Variants in ARIH2 observed in about 807,000 individuals in gnomAD.
ARIH2 encodes ariadne RBR E3 ubiquitin protein ligase 2.
ARIH2 carries 12 observed loss-of-function variants against 79.8 expected under a neutral mutation model. That is an observed-to-expected ratio of 0.15 (90% confidence interval 0.10 to 0.24). The LOEUF (loss-of-function observed/expected upper bound fraction) is 0.24. Ranked by LOEUF, ARIH2 falls within the 10% of genes least tolerant of loss-of-function variation. The pLI, the probability that ARIH2 is intolerant of heterozygous loss-of-function variation, is 1.00. For synonymous variants in ARIH2, 224 were observed against 213.9 expected (o/e 1.05, Z -0.41); for missense variants, 301 against 618.3 (o/e 0.49, Z 5.44).
chr3:48,973,292 A>C (rs1009870895), intron 8 of ARIH2, among the ~76,000 whole-genome samples: 18 of 151,930 alleles, frequency 1.2e-4, no homozygotes, highest in Non-Finnish European at 2.4e-4. Flanking sequence ...AAATACAAAA[A>C]TTAGACTGGG....
At chr3:48,931,797 A>G (rs1160710956) in intron 3 of ARIH2, among the ~76,000 whole-genome samples, 1 of 152,114 alleles carries the variant, frequency 6.6e-6, no homozygotes. Context: ...CAGGTGGATC[A>G]CGAGGTCAGG....
intron 3 of ARIH2, among the ~76,000 whole-genome samples, chr3:48,951,326 C>T (rs1162406282): frequency 1.3e-5 from 2 of 151,810 alleles, no homozygotes; most frequent in African/African-American, 2.4e-5. Flanking sequence ...TTTTTTCCCC[C>T]TGTGGAGTTT....
chr3:48,975,179 T>C, intron 11 of ARIH2, 200 bp downstream of exon 11: 1 of 765,858 alleles, frequency 1.3e-6, no homozygotes, highest in Non-Finnish European at 2.1e-6. Context: ...CCCACTGCTA[T>C]CTTGCTAACA....
chr3:48,940,265 G>A (rs1179048821), intron 3 of ARIH2, among the ~76,000 whole-genome samples: 2 of 152,228 alleles, frequency 1.3e-5, no homozygotes, highest in Non-Finnish European at 1.5e-5. Context: ...AGCTACTCGG[G>A]AGGCTGAGGT....
At chr3:48,947,005 G>T (rs2089250557) in intron 3 of ARIH2, among the ~76,000 whole-genome samples, 1 of 152,230 alleles carries the variant, frequency 6.6e-6, no homozygotes, top group African/African-American at 2.4e-5. Flanking sequence ...AGGCACAAAT[G>T]TGATTGCCCA....
intron 12 of ARIH2, 142 bp downstream of exon 12, chr3:48,979,775 C>G (rs11716614): frequency 0.073 from 62,998 of 862,668 alleles, 2,846 homozygotes; most frequent in Non-Finnish European, 0.089. Context: ...ATCCCTGGTG[C>G]TGCCTCTATA....
In ARIH2 at chr3:48,983,269, A is replaced by C. The variant is rs2092814903; in HGVS notation, c.1481A>C (p.Ter494SerextTer30). 1 of 1,613,936 alleles carries C rather than the reference A, an allele frequency of 6.2e-7. No individual in the cohort carries two copies. The highest frequency in any genetic ancestry group is 1.3e-5 in the African/African-American group (1 of 74,904). The change falls in exon 16 of 16, where the codon TAA becomes TCA. Residue 494 changes from the stop codon to serine (S), a stop_lost. Transcript: ENST00000356401. ...RTLLKDFHDT[*>S] Reference sequence around the variant, plus strand: ...CTGCTGAAAGATTTCCATGACACCTAAGTTGGGATGTGGATGTGCCGGGGT... The same window carrying C: ...CTGCTGAAAGATTTCCATGACACCTCAGTTGGGATGTGGATGTGCCGGGGT...
chr3:48,950,040 G>A (rs2089750984), intron 3 of ARIH2, among the ~76,000 whole-genome samples: 1 of 151,716 alleles, frequency 6.6e-6, no homozygotes, highest in Non-Finnish European at 1.5e-5. Flanking sequence ...CTTTCTTTTA[G>A]CAATTTTATA....
chr3:48,967,059 T>G, intron 5 of ARIH2, 66 bp from the exon 6 acceptor site: 1,284 of 1,532,198 alleles, frequency 8.4e-4, no homozygotes, highest in Non-Finnish European at 1.0e-3. Context: ...CCCGGCTGCA[T>G]GAGGTACCCT....
intron 3 of ARIH2, among the ~76,000 whole-genome samples, chr3:48,940,808 A>AAAAAAATATAT (rs759369585): frequency 1.8e-4 from 18 of 98,046 alleles, no homozygotes; most frequent in Admixed American, 4.9e-4. Flanking sequence ...AAAAAAAAAA[A>AAAAAAATATAT]ATATATATAT....
intron 2 of ARIH2, 87 bp from the exon 3 acceptor site, chr3:48,927,375 G>C: frequency 1.5e-6 from 1 of 676,032 alleles, no homozygotes; most frequent in Non-Finnish European, 2.4e-6. Context: ...ATTAGGGCCA[G>C]GACTGTCCCA....
chr3:48,931,657 T>C (rs375845622), intron 3 of ARIH2, among the ~76,000 whole-genome samples: 1 of 152,152 alleles, frequency 6.6e-6, no homozygotes, highest in African/African-American at 2.4e-5. Context: ...CTCAAACTCC[T>C]GGCCTCAAGT....
At chr3:48,969,839 T>C (rs1465802245) in intron 7 of ARIH2, among the ~76,000 whole-genome samples, 1 of 152,026 alleles carries the variant, frequency 6.6e-6, no homozygotes, top group African/African-American at 2.4e-5. Flanking sequence ...CAGAAGGCCT[T>C]GTTCTTTATG....
chr3:48,962,031 A>T (rs977103337), intron 4 of ARIH2, among the ~76,000 whole-genome samples: 5 of 152,074 alleles, frequency 3.3e-5, no homozygotes, highest in African/African-American at 9.7e-5. Flanking sequence ...CTTCTTTTGG[A>T]TACGTCAACT....
intron 3 of ARIH2, among the ~76,000 whole-genome samples, chr3:48,952,986 G>A (rs1187245517): frequency 7.9e-5 from 12 of 151,946 alleles, no homozygotes; most frequent in Admixed American, 7.9e-4. Flanking sequence ...CTAGAGTGCA[G>A]TGGCGCGATC....
intron 3 of ARIH2, among the ~76,000 whole-genome samples, chr3:48,942,077 G>A (rs990575533): frequency 6.7e-6 from 1 of 148,474 alleles, no homozygotes; most frequent in Non-Finnish European, 1.5e-5. Context: ...TTGAGGCGGA[G>A]TCTTACTCTG....
chr3:48,922,312 T>C (rs1341269564), intron 1 of ARIH2: 2 of 148,190 alleles, frequency 1.3e-5, no homozygotes, highest in Non-Finnish European at 3.0e-5. Context: ...ATTACTTTCT[T>C]TTTTTTTTTT....
chr3:48,926,937 C>A, intron 2 of ARIH2: 1 of 152,654 alleles, frequency 6.6e-6, no homozygotes, highest in Non-Finnish European at 1.5e-5. Flanking sequence ...TTTTTCTTTA[C>A]CAACTATGCA....
At chr3:48,968,779 A>G in intron 7 of ARIH2, 124 bp downstream of exon 7, 1 of 1,353,244 alleles carries the variant, frequency 7.4e-7, no homozygotes, top group Non-Finnish European at 9.9e-7. Flanking sequence ...AAAGCGCTCC[A>G]TGGCTTTAAA....
Sources: allele counts gnomAD v4.1 joint callset (sites outside exome capture counted in the v4.1 genomes callset), GRCh38; gene constraint gnomAD v4.1.1; transcripts MANE v1.5; gene names NCBI Gene and HGNC (gene_info 2026-07-23, HGNC 2026-07-21).